Variants in LSAMP observed in about 807,000 individuals in gnomAD.
LSAMP encodes limbic system-associated membrane protein.
In LSAMP, 7 loss-of-function variants were observed where a neutral mutation model predicts 38.6. The observed-to-expected ratio is 0.18, with a 90% CI of 0.10 to 0.34. LSAMP has a LOEUF of 0.34. Ranked by LOEUF, LSAMP falls within the 10% of genes least tolerant of loss-of-function variation. The pLI is 1.00. For missense variants in LSAMP, 313 were observed against 420.0 expected, an observed-to-expected ratio of 0.75 and a Z score of 2.23; for synonymous variants, 154 against 166.8, an observed-to-expected ratio of 0.92 and a Z score of 0.59.
chr3:116,428,390 G>A (rs1162117690), intron 1 of LSAMP, among the ~76,000 whole-genome samples: 1 of 152,152 alleles, frequency 6.6e-6, no homozygotes, highest in African/African-American at 2.4e-5. Flanking sequence ...CCTGGGAGGG[G>A]GCGGTTGCAG....
At chr3:116,081,512 G>A (rs748016945) in intron 2 of LSAMP, among the ~76,000 whole-genome samples, 1 of 151,854 alleles carries the variant, frequency 6.6e-6, no homozygotes, top group Non-Finnish European at 1.5e-5. Flanking sequence ...AAATTTAAAG[G>A]GCATCTAGAG....
At chr3:116,394,407 T>C (rs777220131) in intron 1 of LSAMP, among the ~76,000 whole-genome samples, 5 of 152,184 alleles carry the variant, frequency 3.3e-5, no homozygotes, top group Non-Finnish European at 4.4e-5. Flanking sequence ...CTCCCTCTGT[T>C]ATCCCTGACC....
chr3:115,805,110 G>T lies in LSAMP; in HGVS notation c.*5207C>A, dbSNP rs909898604. The stretch of plus-strand genomic sequence containing the variant: ...TTAGATGGTGAGAAAGGAGTAAAAA[G>T]AAGATAGCTGGGAGTGGATACAGCA... On this transcript the variant is annotated 3_prime_UTR_variant, in exon 7 of 7. Transcript: ENST00000490035. 2 of 152,198 alleles carry T rather than the reference G, an allele frequency of 1.3e-5. No homozygotes were observed. Among genetic ancestry groups the T allele is most frequent in the Non-Finnish European group, 2.9e-5 (2 of 68,034 alleles). 9.4% of individuals were successfully genotyped at this position (152,198 alleles called of 1,614,324 possible).
intron 2 of LSAMP, among the ~76,000 whole-genome samples, chr3:116,056,944 A>C (rs746476880): frequency 5.9e-5 from 9 of 152,100 alleles, no homozygotes; most frequent in Non-Finnish European, 1.2e-4. Flanking sequence ...GAATGACACA[A>C]AAAAAATGGC....
At chr3:116,411,152 A>G (rs1428090124) in intron 1 of LSAMP, among the ~76,000 whole-genome samples, 2 of 152,120 alleles carry the variant, frequency 1.3e-5, no homozygotes, top group South Asian at 2.1e-4. Flanking sequence ...ATGTGGAGAA[A>G]TAAGAACACT....
chr3:116,172,366 T>C (rs74935363), intron 1 of LSAMP, among the ~76,000 whole-genome samples: 1 of 150,652 alleles, frequency 6.6e-6, no homozygotes, highest in Non-Finnish European at 1.5e-5. Flanking sequence ...TTTTTTTTTT[T>C]ACTTGAAAGC....
At chr3:116,262,672 T>C (rs926548514) in intron 1 of LSAMP, among the ~76,000 whole-genome samples, 1 of 152,178 alleles carries the variant, frequency 6.6e-6, no homozygotes, top group Admixed American at 6.5e-5. Context: ...GAAGCTATCA[T>C]TGCACAGAAA....
chr3:116,192,974 T>C (rs981878923), intron 1 of LSAMP, among the ~76,000 whole-genome samples: 1 of 152,212 alleles, frequency 6.6e-6, no homozygotes, highest in African/African-American at 2.4e-5. Flanking sequence ...TTATAGTGCT[T>C]TGCCAACAAC....
chr3:115,963,442 G>T (rs1295730018), intron 3 of LSAMP, among the ~76,000 whole-genome samples: 2 of 152,178 alleles, frequency 1.3e-5, no homozygotes, highest in African/African-American at 4.8e-5. Context: ...TGAAAGTATT[G>T]TACTCTGGTT....
intron 3 of LSAMP, among the ~76,000 whole-genome samples, chr3:115,925,347 T>A (rs4640557): frequency 6.6e-6 from 1 of 151,924 alleles, no homozygotes; most frequent in African/African-American, 2.4e-5. Context: ...TCAAAGGTAT[T>A]CAAGAATTAT....
intron 3 of LSAMP, among the ~76,000 whole-genome samples, chr3:116,006,557 C>G (rs942504750): frequency 1.3e-5 from 2 of 152,130 alleles, no homozygotes; most frequent in Non-Finnish European, 2.9e-5. Context: ...ATAGTTACCA[C>G]AACTAATTAT....
chr3:116,182,799 A>G (rs993483929), intron 1 of LSAMP, among the ~76,000 whole-genome samples: 3 of 151,836 alleles, frequency 2.0e-5, no homozygotes, highest in Admixed American at 2.0e-4. Context: ...ATTTTTGTAC[A>G]TTCTCATAAT....
intron 3 of LSAMP, among the ~76,000 whole-genome samples, chr3:115,955,208 A>G (rs997915887): frequency 1.3e-5 from 2 of 152,168 alleles, no homozygotes; most frequent in Non-Finnish European, 2.9e-5. Flanking sequence ...TGCTGGGATT[A>G]CAGGCGTGAG....
At chr3:116,011,060 G>A (rs375677696) in intron 3 of LSAMP, among the ~76,000 whole-genome samples, 82 of 150,888 alleles carry the variant, frequency 5.4e-4, no homozygotes, top group African/African-American at 2.0e-3. Context: ...CTGGAGTGCA[G>A]TGGCATGATC....
intron 1 of LSAMP, among the ~76,000 whole-genome samples, chr3:116,374,114 G>A (rs531865230): frequency 6.6e-6 from 1 of 152,032 alleles, no homozygotes; most frequent in South Asian, 2.1e-4. Context: ...CTCAAATTAT[G>A]TGGTGAAAAA....
chr3:116,012,232 C>T (rs1940351385), intron 3 of LSAMP, among the ~76,000 whole-genome samples: 1 of 152,118 alleles, frequency 6.6e-6, no homozygotes, highest in Admixed American at 6.5e-5. Flanking sequence ...TAAATATGCT[C>T]CTGAAGAAAC....
At chr3:115,878,797 TAAC>T (rs1225754774) in intron 3 of LSAMP, among the ~76,000 whole-genome samples, 105 of 152,024 alleles carry the variant, frequency 6.9e-4, no homozygotes, top group African/African-American at 2.3e-3. Flanking sequence ...GTAATAATAA[TAAC>T]AACAACAATG....
At chr3:115,870,066 T>C (rs1237558036) in intron 3 of LSAMP, among the ~76,000 whole-genome samples, 4 of 152,140 alleles carry the variant, frequency 2.6e-5, no homozygotes, top group Non-Finnish European at 2.9e-5. Context: ...ATAAAAATTA[T>C]ATAAAATTTA....
intron 3 of LSAMP, among the ~76,000 whole-genome samples, chr3:115,940,392 AT>A (rs1309060728): frequency 4.0e-5 from 6 of 149,552 alleles, no homozygotes; most frequent in Non-Finnish European, 5.9e-5. Flanking sequence ...TTATTGGTGC[AT>A]TTTTACAGAG....
Sources: gnomAD v4.1 joint callset for allele counts (sites outside exome capture counted in the v4.1 genomes callset) on GRCh38, gnomAD v4.1.1 for gene constraint, MANE v1.5 for transcripts, NCBI Gene and HGNC (gene_info 2026-07-23, HGNC 2026-07-21) for gene names.